The following TIPIN variants were observed in gnomAD, a reference collection of about 807,000 sequenced individuals.
The protein encoded by TIPIN is TIMELESS-interacting protein.
In TIPIN, 29 loss-of-function variants were observed where a neutral mutation model predicts 35.6. That is an observed-to-expected ratio of 0.82 (90% confidence interval 0.61 to 1.11). The LOEUF is 1.11. Among genes scored for constraint, TIPIN ranks in the 50% most tolerant of loss-of-function variants. The pLI, the probability that TIPIN is intolerant of heterozygous loss-of-function variation, is 0.00. For synonymous variants in TIPIN, 102 were observed against 121.5 expected (o/e 0.84, Z 1.06); for missense variants, 296 against 345.4 (o/e 0.86, Z 1.13).
rs1420224967 is a variant in TIPIN at position 66,381,874 on chromosome 15, C to G, written c.-9+4733G>C. Among the ~76,000 whole-genome samples the G allele has an allele frequency of 3.3e-5, 5 of 152,092 alleles. No individual in the cohort carries two copies. The South Asian group carries it at 1.0e-3, about 32-fold the overall frequency. On this transcript the variant is annotated intron_variant, in intron 1 of 7. Coordinates refer to the TIPIN transcript ENST00000562124. ...AGGTCAGGAGTTCAAGACCAGCCTG[C>G]CCAACATGGCGAAACCCTGTCTCTA...
At chr15:66,379,475 T>G (rs2140500070) in intron 1 of TIPIN, 1 of 1,608,276 alleles carries the variant, frequency 6.2e-7, no homozygotes, top group East Asian at 2.2e-5. Flanking sequence ...TGTCATTTCC[T>G]TCAAAGATTA....
rs899565593 is a variant in TIPIN, at chr15:66,352,840, A to G, written c.108T>C (p.Asp36=). Residue 36 remains aspartate (D), a synonymous_variant, in exon 2 of 8, where the codon GAT becomes GAC. Coordinates refer to ENST00000261881, the MANE Select transcript of TIPIN (RefSeq NM_017858.3). ...CTTCATCAGGCTCAGTTCCTTCACC[A>G]TCTTGTCTCTCTGGAGAGGCTGGAG... is the stretch of plus-strand genomic sequence containing the variant. ...FPPPASPERQ[D]GEGTEPDEES... 9 of 1,613,046 alleles carry G rather than the reference A, an allele frequency of 5.6e-6. No individual in the cohort carries two copies. The highest frequency in any genetic ancestry group is 7.6e-6 in the Non-Finnish European group (9 of 1,179,846).
upstream of TIPIN, among the ~76,000 whole-genome samples, chr15:66,361,375 T>C (rs62011726): frequency 6.6e-6 from 1 of 150,384 alleles, no homozygotes; most frequent in East Asian, 2.0e-4. Flanking sequence ...CCTGCCTCAG[T>C]CTCCTGAGTA....
chr15:66,359,857 T>G (rs2093223649), upstream of TIPIN, among the ~76,000 whole-genome samples: 1 of 152,320 alleles, frequency 6.6e-6, no homozygotes, highest in East Asian at 1.9e-4. Flanking sequence ...GAGCAGATAC[T>G]GATACTCTTG....
intron 1 of TIPIN, among the ~76,000 whole-genome samples, chr15:66,374,779 A>ACCATATTG (rs2140494361): frequency 6.6e-6 from 1 of 152,008 alleles, no homozygotes; most frequent in East Asian, 1.9e-4. Context: ...ACGGGGTTTC[A>ACCATATTG]CCATATTGCC....
chr15:66,356,132 C>T (rs1003555888), intron 1 of TIPIN, among the ~76,000 whole-genome samples: 3 of 152,104 alleles, frequency 2.0e-5, no homozygotes, highest in Non-Finnish European at 4.4e-5. Flanking sequence ...ACCCTGGTTT[C>T]CAATGCCCAC....
intron 7 of TIPIN, among the ~76,000 whole-genome samples, chr15:66,337,428 T>C (rs1441950649): frequency 2.0e-5 from 3 of 150,944 alleles, no homozygotes; most frequent in African/African-American, 7.3e-5. Flanking sequence ...TTCAAGTGAT[T>C]CTCCTGCCTC....
intron 1 of TIPIN, among the ~76,000 whole-genome samples, chr15:66,373,601 G>A (rs769868518): frequency 1.3e-5 from 2 of 152,030 alleles, no homozygotes; most frequent in Non-Finnish European, 2.9e-5. Flanking sequence ...TTTCCAAACT[G>A]GTTACACAAA....
rs1011167784 is a variant in TIPIN at position 66,336,841 on chromosome 15, C to T, written c.*117G>A. 2.4e-5 allele frequency: 18 copies of T among 751,276 alleles called. No individual in the cohort carries two copies. The South Asian group carries it at 2.9e-4, about 12-fold the overall frequency. The allele number at this position is 751,276 out of a possible 1,614,324, so 46.5% of individuals were successfully genotyped here. A position where few individuals can be genotyped will look rare whatever the true frequency, so the allele number is the denominator to read the frequency against. On this transcript the variant is annotated 3_prime_UTR_variant, in exon 8 of 8. Coordinates refer to ENST00000261881, the MANE Select transcript of TIPIN (RefSeq NM_017858.3). ...AAATACCAGATTATCAGATTTTAAA[C>T]AATAATCTATAACAGTTTTACTATC...
At chr15:66,371,252 T>C (rs1043323453) in intron 1 of TIPIN, 11 of 984,782 alleles carry the variant, frequency 1.1e-5, no homozygotes, top group Non-Finnish European at 1.3e-5. Flanking sequence ...CTACTACCTG[T>C]TGTATACTTT....
upstream of TIPIN, among the ~76,000 whole-genome samples, chr15:66,358,986 G>C (rs1417876060): frequency 6.6e-6 from 1 of 151,656 alleles, no homozygotes; most frequent in African/African-American, 2.4e-5. Context: ...AGAGATTGCA[G>C]TGAGCAAGAT....
chr15:66,382,296 TTC>T (rs1204362307), intron 1 of TIPIN: 1 of 967,642 alleles, frequency 1.0e-6, no homozygotes, highest in African/African-American at 1.8e-5. Context: ...TCTCAGGTCT[TTC>T]TCTCTCAAGT....
intron 1 of TIPIN, chr15:66,379,891 T>A: frequency 6.4e-7 from 1 of 1,572,804 alleles, no homozygotes; most frequent in African/African-American, 1.3e-5. Context: ...ATGTCGACAG[T>A]CTGATTAATG....
intron 1 of TIPIN, among the ~76,000 whole-genome samples, chr15:66,371,969 A>AT (rs1197287967): frequency 6.6e-6 from 1 of 151,452 alleles, no homozygotes; most frequent in Non-Finnish European, 1.5e-5. Flanking sequence ...TAATTTTTGT[A>AT]TTTTTTATAG....
In TIPIN at chr15:66,336,976, A is replaced by G. The variant is rs1392074925; in HGVS notation, c.888T>C (p.Asn296=). The G allele has an allele frequency of 6.2e-7, 1 of 1,611,590 alleles. No homozygotes were observed. The highest frequency in any genetic ancestry group is 8.5e-7 in the Non-Finnish European group (1 of 1,178,118). ...VQQQLDATSR[N]ITEAR is the part of the protein sequence containing the mutation. Reference sequence around the variant, plus strand: ...TGGAAACTTATCTAGCTTCAGTAATATTTCTGGATGTAGCATCAAGTTGCT... The same window carrying G: ...TGGAAACTTATCTAGCTTCAGTAATGTTTCTGGATGTAGCATCAAGTTGCT... The change falls in exon 8 of 8, where the codon AAT becomes AAC. Residue 296 remains asparagine, a synonymous_variant. Transcript: ENST00000261881.
In TIPIN at chr15:66,352,800, ACT is replaced by A. The variant is rs2093176933; in HGVS notation, c.133+13_133+14del. 1 of 1,586,020 alleles carries A rather than the reference ACT, an allele frequency of 6.3e-7. No individual in the cohort carries two copies. The highest frequency in any genetic ancestry group is 8.6e-7 in the Non-Finnish European group (1 of 1,167,022). On this transcript the variant is annotated intron_variant, in intron 2 of 7. Transcript: ENST00000261881. Reference sequence around the variant, plus strand: ...CTGGCCTCACAGCCTCCTTTTTAAAACTCTCTATACATACCTTCATCAGGCTC... The same window carrying A: ...CTGGCCTCACAGCCTCCTTTTTAAAACTCTATACATACCTTCATCAGGCTC...
In TIPIN at chr15:66,341,146, T is replaced by A; in HGVS notation, c.682+4A>T. The A allele has an allele frequency of 6.2e-7, 1 of 1,609,000 alleles. No individual in the cohort carries two copies. The highest frequency in any genetic ancestry group is 1.3e-5 in the African/African-American group (1 of 74,806). On this transcript the variant is annotated splice_donor_region_variant and intron_variant, in intron 7 of 7. Coordinates refer to ENST00000261881, the MANE Select transcript of TIPIN (RefSeq NM_017858.3). Reference sequence around the variant, plus strand: ...TAGCATATAAAATTTGGCATAAAATTTACCATTTCCTAGGGTCTGACTATT... The same window carrying A: ...TAGCATATAAAATTTGGCATAAAATATACCATTTCCTAGGGTCTGACTATT...
chr15:66,359,335 T>G (rs2093221422), upstream of TIPIN, among the ~76,000 whole-genome samples: 1 of 152,116 alleles, frequency 6.6e-6, no homozygotes, highest in Admixed American at 6.6e-5. Context: ...ATTAATAAAA[T>G]TAACATAAAT....
chr15:66,371,314 A>G, intron 1 of TIPIN: 1 of 985,068 alleles, frequency 1.0e-6, no homozygotes, highest in Non-Finnish European at 1.2e-6. Context: ...TATAATTTAA[A>G]AAACAGAAAA....
Sources: allele counts gnomAD v4.1 joint callset (sites outside exome capture counted in the v4.1 genomes callset), GRCh38; gene constraint gnomAD v4.1.1; transcripts MANE v1.5; gene names NCBI Gene and HGNC (gene_info 2026-07-23, HGNC 2026-07-21).